Variants in DLG2 observed in about 807,000 individuals in gnomAD.
DLG2 encodes discs large MAGUK scaffold protein 2, also known as disks large homolog 2.
A neutral mutation model predicts 132.5 loss-of-function variants in DLG2; 45 were observed. That is an observed-to-expected ratio of 0.34 (90% CI 0.27 to 0.44). DLG2 has a LOEUF of 0.44. Ranked by LOEUF, DLG2 falls within the 20% of genes least tolerant of loss-of-function variation. The probability of loss-of-function intolerance (pLI) is 1.00; values close to 1 mark genes in which losing one functional copy is unlikely to be tolerated. For missense variants in DLG2, 1,045 were observed against 1,196.9 expected (o/e 0.87, Z 1.87); for synonymous variants, 424 against 419.6 (o/e 1.01, Z -0.13).
intron 6 of DLG2, among the ~76,000 whole-genome samples, chr11:84,755,064 T>C (rs191698593): frequency 6.6e-6 from 1 of 152,348 alleles, no homozygotes; most frequent in African/African-American, 2.4e-5. Flanking sequence ...TTCTCCAACA[T>C]ATCTTTTACT....
chr11:85,024,015 T>A (rs561717670), intron 6 of DLG2, among the ~76,000 whole-genome samples: 1 of 152,272 alleles, frequency 6.6e-6, no homozygotes, highest in East Asian at 1.9e-4. Context: ...ATCCGAGAAT[T>A]TGTCAAATCG....
chr11:85,252,036 T>C (rs965768452), intron 4 of DLG2, among the ~76,000 whole-genome samples: 1 of 152,166 alleles, frequency 6.6e-6, no homozygotes, highest in African/African-American at 2.4e-5. Context: ...AGCCCATTAA[T>C]GAAGGAGTTT....
chr11:83,962,781 C>G, intron 14 of DLG2, 104 bp downstream of exon 14: 1 of 1,420,824 alleles, frequency 7.0e-7, no homozygotes, highest in Non-Finnish European at 9.7e-7. Context: ...GAATGGGACC[C>G]AGAAGCTTTA....
intron 6 of DLG2, among the ~76,000 whole-genome samples, chr11:84,735,066 C>T (rs1442687973): frequency 1.3e-5 from 2 of 152,010 alleles, no homozygotes; most frequent in East Asian, 1.9e-4. Context: ...ATTTTTGCAT[C>T]AATGTTCATC....
intron 18 of DLG2, among the ~76,000 whole-genome samples, chr11:83,709,230 A>T (rs1410541488): frequency 1.6e-5 from 2 of 124,712 alleles, no homozygotes; most frequent in Non-Finnish European, 3.3e-5. Context: ...AAAATTTTAC[A>T]CTGTGTGTGT....
intron 14 of DLG2, among the ~76,000 whole-genome samples, chr11:83,961,173 A>C (rs574253380): frequency 6.6e-6 from 1 of 152,168 alleles, no homozygotes; most frequent in South Asian, 2.1e-4. Context: ...TAATCATCAC[A>C]ACAACCTATT....
intron 7 of DLG2, among the ~76,000 whole-genome samples, chr11:84,424,449 A>T (rs773300627): frequency 2.0e-5 from 3 of 151,670 alleles, no homozygotes; most frequent in Admixed American, 1.3e-4. Flanking sequence ...ATATTCATTT[A>T]AAAAAAAACT....
Position 83,682,192 on chromosome 11 carries a change from G to A in DLG2, c.1826-48867C>T, listed in dbSNP as rs1480376372. ...AATTATTGGAACAAAGCAGGGAGGA[G>A]GCAGGAGGCACCAAAGGCAGCTTCT... On this transcript the variant is annotated intron_variant, in intron 18 of 27. Transcript: ENST00000376104. 5.1e-6 allele frequency: 5 copies of A among 985,248 alleles called. No homozygotes were observed. The African/African-American group carries it at 5.2e-5, about 10-fold the overall frequency. The allele number at this position is 985,248 out of a possible 1,614,324, so 61.0% of individuals were successfully genotyped here.
Position 83,898,817 on chromosome 11 carries a change from T to C in DLG2, c.1497-24329A>G, listed in dbSNP as rs1342188041. Reference sequence around the variant, plus strand: ...TTTATAGACTAATAACAAGGTCCTATTAATTTTACTATTTCATCAAACTGC... The same window carrying C: ...TTTATAGACTAATAACAAGGTCCTACTAATTTTACTATTTCATCAAACTGC... On this transcript the variant is annotated intron_variant, in intron 15 of 27. Coordinates refer to ENST00000376104, the MANE Select transcript of DLG2 (RefSeq NM_001142699.3). Among the ~76,000 whole-genome samples, 4 of 152,210 alleles carry C rather than the reference T, an allele frequency of 2.6e-5. No homozygotes were observed. In the East Asian group the frequency reaches 7.7e-4, roughly 29 times the overall value.
chr11:84,116,794 G>T (rs559750901), intron 9 of DLG2, among the ~76,000 whole-genome samples: 2 of 152,312 alleles, frequency 1.3e-5, no homozygotes, highest in African/African-American at 4.8e-5. Context: ...GACATTAAAT[G>T]TCAGTATATT....
At chr11:83,750,271 A>C (rs2153734139) in intron 18 of DLG2, among the ~76,000 whole-genome samples, 1 of 152,254 alleles carries the variant, frequency 6.6e-6, no homozygotes, top group South Asian at 2.1e-4. Context: ...CTGGCAGTTT[A>C]GTTGTTATTC....
At chr11:84,769,767 G>A (rs1266905405) in intron 6 of DLG2, among the ~76,000 whole-genome samples, 1 of 152,130 alleles carries the variant, frequency 6.6e-6, no homozygotes, top group Non-Finnish European at 1.5e-5. Flanking sequence ...ACTTAATCAG[G>A]CTAATGGTGG....
At chr11:85,209,671 C>T (rs1326102995) in intron 4 of DLG2, among the ~76,000 whole-genome samples, 1 of 150,112 alleles carries the variant, frequency 6.7e-6, no homozygotes, top group East Asian at 2.0e-4. Flanking sequence ...AACTCCTGAC[C>T]TCAAGTAATC....
At chr11:83,564,348 G>T (rs376770932) in intron 19 of DLG2, among the ~76,000 whole-genome samples, 12 of 152,246 alleles carry the variant, frequency 7.9e-5, no homozygotes, top group African/African-American at 1.7e-4. Flanking sequence ...AATGGGGGGG[G>T]TCAGGAGCCC....
chr11:83,807,159 C>T (rs780523231), intron 17 of DLG2, among the ~76,000 whole-genome samples: 45 of 152,174 alleles, frequency 3.0e-4, no homozygotes, highest in Admixed American at 1.4e-3. Flanking sequence ...GAGTGACCAT[C>T]GTCTGGAATC....
intron 7 of DLG2, among the ~76,000 whole-genome samples, chr11:84,502,281 T>G (rs1288676171): frequency 3.8e-3 from 12 of 3,118 alleles, no homozygotes; most frequent in Non-Finnish European, 4.4e-3. Flanking sequence ...CTTCCTTCCT[T>G]CTTTCTTTCT....
intron 15 of DLG2, among the ~76,000 whole-genome samples, chr11:83,902,669 G>A (rs1271688114): frequency 6.6e-6 from 1 of 152,104 alleles, no homozygotes; most frequent in Admixed American, 6.6e-5. Flanking sequence ...GTCCCAGAAG[G>A]TAGCACTAAA....
At chr11:83,909,834 A>G (rs1162447187) in intron 15 of DLG2, among the ~76,000 whole-genome samples, 2 of 151,978 alleles carry the variant, frequency 1.3e-5, no homozygotes, top group Non-Finnish European at 2.9e-5. Context: ...TTCTGTTCCA[A>G]TCTTCCTCTG....
chr11:84,181,337 G>A (rs1263961165), intron 8 of DLG2, among the ~76,000 whole-genome samples: 4 of 151,364 alleles, frequency 2.6e-5, no homozygotes, highest in African/African-American at 9.7e-5. Context: ...CATTGAAAAA[G>A]TAAAAGAAGA....
Sources: gnomAD v4.1 joint callset for allele counts (sites outside exome capture counted in the v4.1 genomes callset) on GRCh38, gnomAD v4.1.1 for gene constraint, MANE v1.5 for transcripts, NCBI Gene and HGNC (gene_info 2026-07-23, HGNC 2026-07-21) for gene names.